SPAG16: variants seen among roughly 807,000 people sequenced by gnomAD.
SPAG16 encodes sperm-associated antigen 16 protein.
In SPAG16, 86 loss-of-function variants were observed where a neutral mutation model predicts 80.4. The ratio of observed to expected loss-of-function variants is 1.07; its 90% confidence interval spans 0.90 to 1.28. The LOEUF is 1.28. Among genes scored for constraint, SPAG16 ranks in the 50% most tolerant of loss-of-function variants. SPAG16 has a pLI of 0.00. For synonymous variants in SPAG16, 294 were observed against 265.9 expected, an observed-to-expected ratio of 1.11 and a Z score of -1.03; for missense variants, 870 against 765.3, an observed-to-expected ratio of 1.14 and a Z score of -1.61.
chr2:213,528,600 G>A lies in SPAG16; in HGVS notation c.1070+38510G>A, dbSNP rs563576551. 6.6e-5 allele frequency among the ~76,000 whole-genome samples: 10 copies of A among 152,110 alleles called. No homozygotes were observed. The South Asian group carries it at 8.3e-4, about 13-fold the overall frequency. ...AGTGACTTGTTACTTCCCTACTGAAGATATTTTAAGTAAACTTAGCCTCAC... is the reference window on the plus strand; with the variant it reads ...AGTGACTTGTTACTTCCCTACTGAAAATATTTTAAGTAAACTTAGCCTCAC... On this transcript the variant is annotated intron_variant, in intron 10 of 15. Transcript: ENST00000331683.
intron 15 of SPAG16, among the ~76,000 whole-genome samples, chr2:214,249,484 A>G (rs1690093752): frequency 6.6e-6 from 1 of 152,058 alleles, no homozygotes; most frequent in Non-Finnish European, 1.5e-5. Context: ...CATGGGGAGG[A>G]AGGGAAATCA....
intron 10 of SPAG16, among the ~76,000 whole-genome samples, chr2:213,625,062 G>C (rs903110041): frequency 5.3e-5 from 8 of 152,136 alleles, no homozygotes; most frequent in Non-Finnish European, 1.2e-4. Context: ...CAAAGTGCTG[G>C]AATTTCAGGC....
At chr2:214,314,253 A>T (rs1363458361) in intron 15 of SPAG16, among the ~76,000 whole-genome samples, 1 of 152,178 alleles carries the variant, frequency 6.6e-6, no homozygotes, top group Admixed American at 6.5e-5. Flanking sequence ...ATATTTTTTC[A>T]TAAGTTAGTT....
At chr2:213,945,434 C>T (rs144590262) in intron 12 of SPAG16, among the ~76,000 whole-genome samples, 1,627 of 151,826 alleles carry the variant, frequency 0.011, 14 homozygotes, top group Middle Eastern at 0.021. Context: ...AGACCCAGTC[C>T]GAGTCTCAAA....
At chr2:214,028,854 C>A (rs577718271) in intron 13 of SPAG16, among the ~76,000 whole-genome samples, 22 of 152,124 alleles carry the variant, frequency 1.4e-4, no homozygotes, top group African/African-American at 5.1e-4. Context: ...TGGCCCAAAT[C>A]TTTACTATTG....
intron 9 of SPAG16, among the ~76,000 whole-genome samples, chr2:213,434,650 A>C (rs947631406): frequency 6.6e-6 from 1 of 152,176 alleles, no homozygotes; most frequent in Admixed American, 6.5e-5. Flanking sequence ...TAGGCAAATA[A>C]ATAGATATTT....
chr2:213,878,577 G>A (rs1231054350), intron 11 of SPAG16, among the ~76,000 whole-genome samples: 1 of 151,954 alleles, frequency 6.6e-6, no homozygotes, highest in Non-Finnish European at 1.5e-5. Context: ...TACATAGTTT[G>A]CAAATATTTT....
At chr2:213,993,602 A>G (rs1445709583) in intron 12 of SPAG16, among the ~76,000 whole-genome samples, 1 of 152,200 alleles carries the variant, frequency 6.6e-6, no homozygotes, top group Non-Finnish European at 1.5e-5. Context: ...CTGACTCCAT[A>G]AATATCCATA....
chr2:213,863,415 TTTTTA>T (rs1210225069), intron 11 of SPAG16, among the ~76,000 whole-genome samples: 1 of 152,178 alleles, frequency 6.6e-6, no homozygotes, highest in Non-Finnish European at 1.5e-5. Context: ...TTTAAATCAG[TTTTTA>T]TTTTATCTTT....
intron 15 of SPAG16, among the ~76,000 whole-genome samples, chr2:214,179,038 A>ATT (rs1225468553): frequency 3.3e-5 from 5 of 151,542 alleles, no homozygotes; most frequent in African/African-American, 1.2e-4. Context: ...ACAATACCTG[A>ATT]GTAATGAAAA....
intron 13 of SPAG16, among the ~76,000 whole-genome samples, chr2:214,050,705 G>A (rs1259884464): frequency 6.6e-6 from 1 of 151,990 alleles, no homozygotes; most frequent in Non-Finnish European, 1.5e-5. Context: ...CAAAATTCCA[G>A]ATCTATATAC....
intron 10 of SPAG16, among the ~76,000 whole-genome samples, chr2:213,841,791 T>C (rs1359883523): frequency 1.3e-5 from 2 of 152,144 alleles, no homozygotes; most frequent in Non-Finnish European, 2.9e-5. Flanking sequence ...TGTATATCAA[T>C]GTTTTGGGGC....
chr2:214,051,191 A>G (rs2049624794), intron 13 of SPAG16, among the ~76,000 whole-genome samples: 1 of 152,218 alleles, frequency 6.6e-6, no homozygotes, highest in African/African-American at 2.4e-5. Context: ...GACGTAAAAT[A>G]TGATTCTGCT....
intron 10 of SPAG16, among the ~76,000 whole-genome samples, chr2:213,511,784 C>T (rs2075235442): frequency 6.6e-6 from 1 of 151,982 alleles, no homozygotes; most frequent in Admixed American, 6.5e-5. Context: ...CATATTCATT[C>T]TGTTTTCACC....
At chr2:213,487,602 A>T (rs2074042426) in intron 9 of SPAG16, among the ~76,000 whole-genome samples, 1 of 152,032 alleles carries the variant, frequency 6.6e-6, no homozygotes, top group Admixed American at 6.5e-5. Flanking sequence ...CTCGATGTAA[A>T]TCTTTTTTTA....
chr2:214,122,975 A>G (rs1221352178), intron 14 of SPAG16, among the ~76,000 whole-genome samples: 1 of 151,942 alleles, frequency 6.6e-6, no homozygotes, highest in Admixed American at 6.6e-5. Flanking sequence ...ATCCTATACT[A>G]TGTGATTTTT....
At chr2:214,319,203 CA>C (rs1695916357) in intron 15 of SPAG16, among the ~76,000 whole-genome samples, 1 of 148,514 alleles carries the variant, frequency 6.7e-6, no homozygotes, top group Non-Finnish European at 1.5e-5. Flanking sequence ...ACACACACCA[CA>C]CACACACACA....
chr2:213,674,207 T>C (rs1041281282), intron 10 of SPAG16, among the ~76,000 whole-genome samples: 1 of 152,136 alleles, frequency 6.6e-6, no homozygotes, highest in Admixed American at 6.5e-5. Context: ...GCTGTTATAA[T>C]TTTATAGTTT....
intron 13 of SPAG16, among the ~76,000 whole-genome samples, chr2:214,074,439 A>C (rs549625386): frequency 6.6e-6 from 1 of 152,360 alleles, no homozygotes; most frequent in South Asian, 2.1e-4. Flanking sequence ...AGTGAAGTGC[A>C]AAGCAATAAT....
Sources: allele counts gnomAD v4.1 joint callset (sites outside exome capture counted in the v4.1 genomes callset), GRCh38; gene constraint gnomAD v4.1.1; transcripts MANE v1.5; gene names NCBI Gene and HGNC (gene_info 2026-07-23, HGNC 2026-07-21).